Variants in LZTR1 observed in about 807,000 individuals in gnomAD.
The protein encoded by LZTR1 is leucine-zipper-like transcriptional regulator 1.
LZTR1 carries 260 observed loss-of-function variants against 105.7 expected under a neutral mutation model. The observed-to-expected ratio is 2.46, with a 90% CI of 2.22 to 2.72. The LOEUF is 2.72. Ranked by LOEUF, LZTR1 falls within the 30% of genes most tolerant of loss-of-function variation. The probability of loss-of-function intolerance (pLI) is 0.00; values close to 1 mark genes in which losing one functional copy is unlikely to be tolerated. For missense variants in LZTR1, 1,214 were observed against 1,166.9 expected, an observed-to-expected ratio of 1.04 and a Z score of -0.59; for synonymous variants, 490 against 476.4, an observed-to-expected ratio of 1.03 and a Z score of -0.37.
Position 20,982,571 on chromosome 22 carries a change from G to A in LZTR1, c.200G>A (p.Arg67Gln). 5 of 1,611,004 alleles carry A rather than the reference G, an allele frequency of 3.1e-6. No individual in the cohort carries two copies. The highest frequency in any genetic ancestry group is 4.2e-6 in the Non-Finnish European group (5 of 1,178,924). The change falls in exon 1 of 21, where the codon CGG (arginine) becomes CAG (glutamine). Residue 67 changes from arginine to glutamine, a missense_variant and splice_region_variant. By Grantham distance (43) the Arg-to-Gln change is conservative. Coordinates refer to ENST00000646124, the MANE Select transcript of LZTR1 (RefSeq NM_006767.4). ...LPPCDEFVGA[R>Q]RSKHTVVAYK... is the part of the protein sequence containing the mutation. Reference sequence around the variant, plus strand: ...CCCTGCGACGAGTTCGTGGGTGCCCGGTACGGTGGGCTTCATGGGGTCCTG... The same window carrying A: ...CCCTGCGACGAGTTCGTGGGTGCCCAGTACGGTGGGCTTCATGGGGTCCTG...
chr22:20,997,269 A>G lies in LZTR1; in HGVS notation c.2444A>G (p.Gln815Arg). The G allele has an allele frequency of 6.2e-7, 1 of 1,613,904 alleles. No individual in the cohort carries two copies. Among genetic ancestry groups the G allele is most frequent in the Admixed American group, 1.7e-5 (1 of 60,024 alleles). ...KLPTLRSLSQ[Q>R]LLLDIIDSLA... is the part of the protein sequence containing the mutation. ...CCCACCCTGCGGTCGCTGAGCCAGC[A>G]GCTGCTGCTGGACATCATAGACTCC... The change falls in exon 21 of 21, where the codon CAG (glutamine) becomes CGG (arginine). Residue 815 changes from glutamine (Q) to arginine (R), a missense_variant. Transcript: ENST00000646124.
intron 3 of LZTR1, 43 bp from the exon 4 acceptor site, chr22:20,987,461 G>A (rs775788445): frequency 1.7e-6 from 2 of 1,175,982 alleles, no homozygotes; most frequent in Admixed American, 1.7e-5. Flanking sequence ...TGGACCTCAT[G>A]GGTGACCCCC....
chr22:20,996,251 C>G (rs979239706), intron 18 of LZTR1, 139 bp downstream of exon 18: 1 of 937,420 alleles, frequency 1.1e-6, no homozygotes, highest in Non-Finnish European at 1.6e-6. Context: ...TTGCTGGTGC[C>G]TGGGGCTGGG....
In LZTR1 at chr22:20,987,685, A is replaced by T; in HGVS notation, c.400+102A>T. 4 of 1,065,742 alleles carry T rather than the reference A, an allele frequency of 3.8e-6. No homozygotes were observed. The South Asian group carries it at 5.1e-5, about 14-fold the overall frequency. 66.0% of individuals were successfully genotyped at this position (1,065,742 alleles called of 1,614,324 possible). ...CATTTGTGCTCGTGCTGTGTACAGCAGGGGCTCTCTCTCCACCCGTGGCTT... is the reference window on the plus strand; with the variant it reads ...CATTTGTGCTCGTGCTGTGTACAGCTGGGGCTCTCTCTCCACCCGTGGCTT... On this transcript the variant is annotated intron_variant, in intron 4 of 20. Coordinates refer to ENST00000646124, the MANE Select transcript of LZTR1 (RefSeq NM_006767.4).
chr22:20,993,832 C>T, intron 12 of LZTR1, 78 bp downstream of exon 12: 1 of 1,568,334 alleles, frequency 6.4e-7, no homozygotes, highest in Non-Finnish European at 8.7e-7. Flanking sequence ...AAAACAGCTG[C>T]TGGCCTGGTG....
Position 20,995,027 on chromosome 22 carries a change from G to T in LZTR1, c.1942+1G>T, listed in dbSNP as rs765095992. On this transcript the variant is annotated splice_donor_variant, in intron 16 of 20. Transcript: ENST00000646124. LOFTEE classifies it high-confidence loss of function. The stretch of plus-strand genomic sequence containing the variant: ...CCCTTGGACCAGCCAGTGGACATTG[G>T]TAGGGAGCCCCGTTCCCCTTCCCTG... The T allele has an allele frequency of 1.2e-6, 2 of 1,605,532 alleles. No homozygotes were observed. Among genetic ancestry groups the T allele is most frequent in the East Asian group, 2.2e-5 (1 of 44,754 alleles).
intron 10 of LZTR1, 49 bp downstream of exon 10, chr22:20,992,418 C>T (rs1291501910): frequency 1.3e-6 from 2 of 1,565,392 alleles, no homozygotes; most frequent in Non-Finnish European, 1.7e-6. Flanking sequence ...TGAAACAGGT[C>T]CTGTGATCAA....
intron 9 of LZTR1, 51 bp downstream of exon 9, chr22:20,991,880 C>T (rs1382542366): frequency 6.8e-7 from 1 of 1,474,726 alleles, no homozygotes; most frequent in East Asian, 2.5e-5. Flanking sequence ...CCAGTAGCTC[C>T]TACCCTGCTC....
At chr22:20,995,090 T>A in intron 16 of LZTR1, 64 bp downstream of exon 16, 1 of 1,541,304 alleles carries the variant, frequency 6.5e-7, no homozygotes, top group Non-Finnish European at 8.7e-7. Flanking sequence ...CGGTAGGAGA[T>A]TGGGAGCCAT....
At chr22:20,987,863 C>T (rs1017685137) in intron 4 of LZTR1, 147 bp from the exon 5 acceptor site, 2 of 642,504 alleles carry the variant, frequency 3.1e-6, no homozygotes, top group Non-Finnish European at 2.8e-6. Context: ...AGCACAGAGG[C>T]AGACAGGCAG....
At chr22:20,984,342 C>T (rs1924298601) in intron 2 of LZTR1, among the ~76,000 whole-genome samples, 1 of 152,152 alleles carries the variant, frequency 6.6e-6, no homozygotes, top group Admixed American at 6.5e-5. Context: ...TACCCACAAG[C>T]ATTTACTGCA....
At chr22:20,987,618 C>A (rs747020969) in intron 4 of LZTR1, 35 bp downstream of exon 4, 1 of 1,583,604 alleles carries the variant, frequency 6.3e-7, no homozygotes, top group African/African-American at 1.3e-5. Context: ...GGCTGTGTCG[C>A]CCCGAGGCCC....
rs1924914918 is a variant in LZTR1, at chr22:20,997,538, A to G, written c.*190A>G. 4 of 558,434 alleles carry G rather than the reference A, an allele frequency of 7.2e-6. No individual in the cohort carries two copies. Among genetic ancestry groups the G allele is most frequent in the Middle Eastern group, 9.4e-4 (2 of 2,120 alleles). The allele number at this position is 558,434 out of a possible 1,614,324, so 34.6% of individuals were successfully genotyped here. On this transcript the variant is annotated 3_prime_UTR_variant, in exon 21 of 21. Coordinates refer to ENST00000646124, the MANE Select transcript of LZTR1 (RefSeq NM_006767.4). Reference sequence around the variant, plus strand: ...AAACTCATTAATTCACTGAAGACACAGGTCCCACAGGGAGCGGATGATGAA... The same window carrying G: ...AAACTCATTAATTCACTGAAGACACGGGTCCCACAGGGAGCGGATGATGAA...
chr22:20,989,628 G>T lies in LZTR1; in HGVS notation c.597G>T (p.Leu199Phe), dbSNP rs1555927827. ...IFAGYDGNAR[L>F]NDMWTIGLQD... ...TCACTGGTCTGTCCTAATACAGGTT[G>T]AATGACATGTGGACAATTGGCCTCC... Residue 199 changes from leucine to phenylalanine, a missense_variant, in exon 7 of 21, where the codon TTG (leucine) becomes TTT (phenylalanine). Coordinates refer to ENST00000646124, the MANE Select transcript of LZTR1 (RefSeq NM_006767.4). 1 of 1,613,672 alleles carries T rather than the reference G, an allele frequency of 6.2e-7. No individual in the cohort carries two copies. Among genetic ancestry groups the T allele is most frequent in the Non-Finnish European group, 8.5e-7 (1 of 1,179,870 alleles).
In LZTR1 at chr22:20,984,990, G is replaced by A. The variant is rs1444499051; in HGVS notation, c.264-851G>A. 3.3e-5 allele frequency among the ~76,000 whole-genome samples: 5 copies of A among 152,130 alleles called. No individual in the cohort carries two copies. The East Asian group carries it at 9.6e-4, about 29-fold the overall frequency. ...TGTAATCCCAGCACTTTGGGAGGCT[G>A]AGGTGGGAAGATCACTTGAGGCCAG... On this transcript the variant is annotated intron_variant, in intron 2 of 20. Transcript: ENST00000646124.
chr22:20,992,078 C>T, intron 9 of LZTR1, 136 bp from the exon 10 acceptor site: 2 of 893,616 alleles, frequency 2.2e-6, no homozygotes. Flanking sequence ...TGCTGCAGAC[C>T]TTTCCTGGGA....
chr22:20,989,128 G>A lies in LZTR1; in HGVS notation c.593+256G>A, dbSNP rs148102973. On this transcript the variant is annotated intron_variant, in intron 6 of 20. Coordinates refer to ENST00000646124, the MANE Select transcript of LZTR1 (RefSeq NM_006767.4). ...GATCCTCAGCCAGGAGTTGCCCTGC[G>A]GAGCTGAGTTGGTGGGCGGGTGGGC... is the stretch of plus-strand genomic sequence containing the variant. 1.1e-3 allele frequency among the ~76,000 whole-genome samples: 173 copies of A among 152,376 alleles called. 2 individuals carry two copies. In the East Asian group the frequency reaches 0.015, roughly 13 times the overall value.
At chr22:20,986,816 G>T (rs967253390) in intron 3 of LZTR1, 5 of 152,258 alleles carry the variant, frequency 3.3e-5, no homozygotes, top group Non-Finnish European at 5.9e-5. Flanking sequence ...CTGCTGCTGA[G>T]AGCAGGAGTG....
rs1924992103 is a variant in LZTR1 at position 20,998,886 on chromosome 22, C to G, written c.*1538C>G. 6.6e-6 allele frequency: 1 copy of G among 152,346 alleles called. No individual in the cohort carries two copies. Among genetic ancestry groups the G allele is most frequent in the Non-Finnish European group, 1.5e-5 (1 of 68,118 alleles). The allele number at this position is 152,346 out of a possible 1,614,324, so 9.4% of individuals were successfully genotyped here. ...GCTCCTGCCACACCCACAGGGCAGC[C>G]TCCTCCAAATCCCTCCTGGAGGGGC... On this transcript the variant is annotated 3_prime_UTR_variant, in exon 21 of 21. Coordinates refer to ENST00000646124, the MANE Select transcript of LZTR1 (RefSeq NM_006767.4).
Sources: allele counts gnomAD v4.1 joint callset (sites outside exome capture counted in the v4.1 genomes callset), GRCh38; gene constraint gnomAD v4.1.1; transcripts MANE v1.5; gene names NCBI Gene and HGNC (gene_info 2026-07-23, HGNC 2026-07-21).